Variants in RUNX2 observed in about 807,000 individuals in gnomAD.
RUNX2 encodes the protein runt-related transcription factor 2.
Under a neutral mutation model 51.7 loss-of-function variants are expected in RUNX2, and 10 were observed. The observed-to-expected ratio is 0.19, with a 90% CI of 0.12 to 0.33. RUNX2 has a LOEUF of 0.33. Ranked by LOEUF, RUNX2 falls within the 10% of genes least tolerant of loss-of-function variation. The pLI, the probability that RUNX2 is intolerant of heterozygous loss-of-function variation, is 1.00. For synonymous variants in RUNX2, 276 were observed against 273.6 expected (o/e 1.01, Z -0.09); for missense variants, 562 against 691.3 (o/e 0.81, Z 2.10).
intron 7 of RUNX2, among the ~76,000 whole-genome samples, chr6:45,529,711 T>C (rs1174586918): frequency 6.6e-6 from 1 of 152,088 alleles, no homozygotes; most frequent in African/African-American, 2.4e-5. Flanking sequence ...AAGCAGCAGA[T>C]AACAGATAAC....
At chr6:45,401,636 G>A (rs1460670914) in intron 2 of RUNX2, among the ~76,000 whole-genome samples, 1 of 152,244 alleles carries the variant, frequency 6.6e-6, no homozygotes, top group African/African-American at 2.4e-5. Flanking sequence ...ACTGCAACCA[G>A]TAATTGAATA....
At chr6:45,505,495 T>G (rs979016968) in intron 6 of RUNX2, among the ~76,000 whole-genome samples, 1 of 152,134 alleles carries the variant, frequency 6.6e-6, no homozygotes, top group Non-Finnish European at 1.5e-5. Flanking sequence ...CTCATGACTC[T>G]TCTATATCAC....
rs571819246 is a variant in RUNX2, at chr6:45,514,098, G to GT, written c.1021+1698dup. On this transcript the variant is annotated intron_variant, in intron 7 of 8. Transcript: ENST00000647337. ...CACTGTGGCTGAAGCAGATTTTGCTGTTTTTTTCTCTAGCAGTACCTACAA... is the reference window on the plus strand; with the variant it reads ...CACTGTGGCTGAAGCAGATTTTGCTGTTTTTTTTCTCTAGCAGTACCTACAA... Among the ~76,000 whole-genome samples the GT allele has an allele frequency of 2.0e-3, 300 of 152,158 alleles. 1 individual carries two copies. Among genetic ancestry groups the GT allele is most frequent in the Middle Eastern group, 6.8e-3 (2 of 294 alleles).
intron 6 of RUNX2, among the ~76,000 whole-genome samples, chr6:45,505,611 A>G (rs1238319978): frequency 6.6e-6 from 1 of 152,064 alleles, no homozygotes; most frequent in Non-Finnish European, 1.5e-5. Context: ...TCATCTCCAC[A>G]GGTTTACATA....
chr6:45,445,650 T>A (rs1214995812), intron 5 of RUNX2, among the ~76,000 whole-genome samples: 2 of 152,326 alleles, frequency 1.3e-5, no homozygotes, highest in African/African-American at 4.8e-5. Flanking sequence ...TATGGGTAAA[T>A]GCCATGTTTT....
rs558797027 is a variant in RUNX2 at position 45,437,398 on chromosome 6, G to A, written c.581-549G>A. 1.3e-4 allele frequency among the ~76,000 whole-genome samples: 20 copies of A among 152,196 alleles called. 1 individual carries two copies. The South Asian group carries it at 2.1e-3, about 16-fold the overall frequency. On this transcript the variant is annotated intron_variant, in intron 4 of 8. Transcript: ENST00000647337. ...AATCATCATACCACAGGCACATTAC[G>A]GCCAGGACAGGAGACACTGGCTCCT...
intron 2 of RUNX2, among the ~76,000 whole-genome samples, chr6:45,377,137 A>G (rs939703841): frequency 6.6e-6 from 1 of 152,120 alleles, no homozygotes; most frequent in African/African-American, 2.4e-5. Context: ...TGGAGAGCAA[A>G]AGCAGAGCTA....
At chr6:45,375,440 A>G (rs192540103) in intron 2 of RUNX2, among the ~76,000 whole-genome samples, 90 of 152,302 alleles carry the variant, frequency 5.9e-4, no homozygotes, top group Admixed American at 1.4e-3. Flanking sequence ...AAAGCACCCC[A>G]TTCTGATTTG....
chr6:45,423,688 AG>A (rs11332168), intron 3 of RUNX2, among the ~76,000 whole-genome samples: 19,336 of 152,158 alleles, frequency 0.13, 1,620 homozygotes, highest in African/African-American at 0.23. Context: ...TCTCCAGAGG[AG>A]GGGGTGTCAG....
intron 2 of RUNX2, among the ~76,000 whole-genome samples, chr6:45,387,419 G>A (rs1482175054): frequency 4.6e-5 from 7 of 152,124 alleles, no homozygotes; most frequent in Non-Finnish European, 8.8e-5. Flanking sequence ...ACTCACATGC[G>A]ACACACAGCC....
At chr6:45,398,922 T>C (rs1797637995) in intron 2 of RUNX2, among the ~76,000 whole-genome samples, 2 of 152,242 alleles carry the variant, frequency 1.3e-5, no homozygotes, top group Admixed American at 1.3e-4. Flanking sequence ...GAAAAGCCTA[T>C]ATTTAATATA....
intron 3 of RUNX2, among the ~76,000 whole-genome samples, chr6:45,430,058 C>T (rs1457954773): frequency 1.3e-5 from 2 of 151,118 alleles, no homozygotes; most frequent in Non-Finnish European, 2.9e-5. Context: ...CGTGCCACTG[C>T]ACTCTAGCCT....
At chr6:45,405,256 A>G (rs1026886922) in intron 2 of RUNX2, among the ~76,000 whole-genome samples, 11 of 152,232 alleles carry the variant, frequency 7.2e-5, no homozygotes, top group Admixed American at 2.6e-4. Context: ...ATACATATGT[A>G]TTATTTAATA....
At chr6:45,410,253 A>G (rs766651103) in intron 2 of RUNX2, among the ~76,000 whole-genome samples, 3 of 152,214 alleles carry the variant, frequency 2.0e-5, no homozygotes, top group Non-Finnish European at 4.4e-5. Context: ...TGAGATGGGC[A>G]TGAATGGAGG....
At chr6:45,420,852 C>T (rs1338142835) in intron 2 of RUNX2, among the ~76,000 whole-genome samples, 2 of 152,184 alleles carry the variant, frequency 1.3e-5, no homozygotes, top group East Asian at 1.9e-4. Context: ...CCCACGTGCT[C>T]TGACTCTCAT....
At chr6:45,379,280 G>A (rs190994835) in intron 2 of RUNX2, among the ~76,000 whole-genome samples, 2 of 152,302 alleles carry the variant, frequency 1.3e-5, no homozygotes, top group East Asian at 3.9e-4. Context: ...CAGTATAAGG[G>A]AAAGTAACAG....
At chr6:45,385,919 G>A (rs1243486192) in intron 2 of RUNX2, among the ~76,000 whole-genome samples, 1 of 152,054 alleles carries the variant, frequency 6.6e-6, no homozygotes, top group Non-Finnish European at 1.5e-5. Context: ...TCTCCACAGT[G>A]CCCCTTTTTC....
At chr6:45,356,420 C>T (rs1234804888) in intron 2 of RUNX2, among the ~76,000 whole-genome samples, 1 of 151,376 alleles carries the variant, frequency 6.6e-6, no homozygotes, top group African/African-American at 2.4e-5. Flanking sequence ...TTTTTTGAGA[C>T]AGAGTCTCAC....
chr6:45,414,754 CTTTTTTTTTTT>C (rs34672680), intron 2 of RUNX2, among the ~76,000 whole-genome samples: 49 of 33,446 alleles, frequency 1.5e-3, no homozygotes, highest in African/African-American at 4.8e-3. Flanking sequence ...CAGATCCTGG[CTTTTTTTTTTT>C]TTTTTTTTTT....
Sources: allele counts gnomAD v4.1 joint callset (sites outside exome capture counted in the v4.1 genomes callset), GRCh38; gene constraint gnomAD v4.1.1; transcripts MANE v1.5; gene names NCBI Gene and HGNC (gene_info 2026-07-23, HGNC 2026-07-21).